PM20D1: variants seen among roughly 807,000 people sequenced by gnomAD.
PM20D1 encodes peptidase M20 domain containing 1.
A neutral mutation model predicts 53.8 loss-of-function variants in PM20D1; 53 were observed. The ratio of observed to expected loss-of-function variants is 0.98; its 90% confidence interval spans 0.79 to 1.24. PM20D1 has a LOEUF of 1.24. PM20D1 is among the 50% of genes most tolerant of loss of function. The pLI is 0.00. For missense variants in PM20D1, 564 were observed against 616.8 expected, an observed-to-expected ratio of 0.91 and a Z score of 0.91; for synonymous variants, 239 against 241.3, an observed-to-expected ratio of 0.99 and a Z score of 0.09.
intron 1 of PM20D1, among the ~76,000 whole-genome samples, chr1:205,848,269 A>G (rs1054218901): frequency 1.3e-5 from 2 of 152,086 alleles, no homozygotes; most frequent in South Asian, 4.1e-4. Context: ...AGGGAAGTGG[A>G]TTTTTGGATC....
intron 1 of PM20D1, among the ~76,000 whole-genome samples, chr1:205,848,833 C>T (rs746502900): frequency 6.6e-6 from 1 of 152,122 alleles, no homozygotes; most frequent in African/African-American, 2.4e-5. Context: ...ATGGGGAAGC[C>T]GAGGTTCAGA....
chr1:205,829,061 C>T (rs1439348532), intron 12 of PM20D1, among the ~76,000 whole-genome samples: 1 of 152,222 alleles, frequency 6.6e-6, no homozygotes, highest in Non-Finnish European at 1.5e-5. Flanking sequence ...GATAGGTTCT[C>T]ACTCTGTAGC....
In PM20D1 at chr1:205,849,799, C is replaced by T. The variant is rs572245419; in HGVS notation, c.169+105G>A. 2.8e-5 allele frequency: 40 copies of T among 1,421,178 alleles called. No homozygotes were observed. The East Asian group carries it at 9.3e-4, about 33-fold the overall frequency. The allele number at this position is 1,421,178 out of a possible 1,614,324, so 88.0% of individuals were successfully genotyped here. ...GCTGGGGTGCGTGTCGGGGCTCCAGCTGCAGTAGCAGATGCTTTGCGGCGG... is the reference window on the plus strand; with the variant it reads ...GCTGGGGTGCGTGTCGGGGCTCCAGTTGCAGTAGCAGATGCTTTGCGGCGG... On this transcript the variant is annotated intron_variant, in intron 1 of 12. Coordinates refer to ENST00000367136, the MANE Select transcript of PM20D1 (RefSeq NM_152491.5).
intron 10 of PM20D1, among the ~76,000 whole-genome samples, chr1:205,833,683 G>A (rs926038990): frequency 1.3e-5 from 2 of 152,148 alleles, no homozygotes; most frequent in Admixed American, 1.3e-4. Flanking sequence ...GAGCCACGTG[G>A]GAATGGACCA....
At chr1:205,831,688 C>T (rs929352465) in intron 11 of PM20D1, among the ~76,000 whole-genome samples, 3 of 151,734 alleles carry the variant, frequency 2.0e-5, no homozygotes, top group Admixed American at 6.6e-5. Context: ...CTCATCCTCC[C>T]GAGTAGCTGG....
At position 205,844,108 on chromosome 1, in the gene PM20D1, T is replaced by C. The variant is rs376269551; in HGVS notation, c.686A>G (p.Asn229Ser). 4 of 1,613,162 alleles carry C rather than the reference T, an allele frequency of 2.5e-6. No homozygotes were observed. Among genetic ancestry groups the C allele is most frequent in the Non-Finnish European group, 3.4e-6 (4 of 1,179,664 alleles). ...TCACAAGGCGATGGGCTTCTTGAAG[T>C]TAGGAATGAAATCATCCAAGATGAA... ...GGFILDDFIP[N>S]FKKPIALIAV... Residue 229 changes from asparagine (N) to serine (S), a missense_variant, in exon 5 of 13, where the codon AAC (asparagine) becomes AGC (serine). Coordinates refer to ENST00000367136, the MANE Select transcript of PM20D1 (RefSeq NM_152491.5).
intron 10 of PM20D1, among the ~76,000 whole-genome samples, chr1:205,834,401 T>C (rs776778738): frequency 3.9e-5 from 6 of 152,088 alleles, no homozygotes; most frequent in Non-Finnish European, 7.4e-5. Flanking sequence ...AGGTGATCTG[T>C]CTGCCTTGCC....
chr1:205,848,673 G>A (rs566875946), intron 1 of PM20D1, among the ~76,000 whole-genome samples: 6 of 152,284 alleles, frequency 3.9e-5, no homozygotes, highest in African/African-American at 1.4e-4. Context: ...CCACTGGGAG[G>A]GAAAGCATGA....
Position 205,844,662 on chromosome 1 carries a change from A to T in PM20D1, c.576+149T>A, listed in dbSNP as rs1656902398. 4.8e-5 allele frequency: 32 copies of T among 664,662 alleles called. No homozygotes were observed. The South Asian group carries it at 6.9e-4, about 14-fold the overall frequency. 41.2% of individuals were successfully genotyped at this position (664,662 alleles called of 1,614,324 possible). A position where few individuals can be genotyped will look rare whatever the true frequency, so the allele number is the denominator to read the frequency against. On this transcript the variant is annotated intron_variant, in intron 4 of 12. Coordinates refer to ENST00000367136, the MANE Select transcript of PM20D1 (RefSeq NM_152491.5). ...TCTGAATTTTGGTCAAGGTCCTTAG[A>T]TAGTCCTGGCATACAGACACACGGA...
intron 2 of PM20D1, among the ~76,000 whole-genome samples, chr1:205,847,618 G>T (rs1257665645): frequency 3.3e-5 from 5 of 151,526 alleles, no homozygotes; most frequent in Non-Finnish European, 5.9e-5. Flanking sequence ...ACTTTTTGAT[G>T]ATTTAACATT....
At chr1:205,842,792 GC>G (rs764664063) in intron 6 of PM20D1, 41 bp from the exon 7 acceptor site, 2 of 1,587,822 alleles carry the variant, frequency 1.3e-6, no homozygotes, top group Non-Finnish European at 8.6e-7. Flanking sequence ...GCGAACCCCA[GC>G]CAAAGATCAG....
chr1:205,842,252 C>T, intron 7 of PM20D1, 37 bp from the exon 8 acceptor site: 1 of 1,567,470 alleles, frequency 6.4e-7, no homozygotes, highest in South Asian at 1.1e-5. Flanking sequence ...AGGGTCACCT[C>T]TAGTTTAGCC....
At chr1:205,829,192 A>G (rs534325138) in intron 12 of PM20D1, among the ~76,000 whole-genome samples, 4 of 152,016 alleles carry the variant, frequency 2.6e-5, no homozygotes, top group Non-Finnish European at 4.4e-5. Flanking sequence ...TAAGTTTTTT[A>G]TTTTTAAATT....
intron 3 of PM20D1, 134 bp downstream of exon 3, chr1:205,845,191 T>C (rs1294115247): frequency 2.2e-6 from 2 of 894,360 alleles, no homozygotes; most frequent in Non-Finnish European, 3.5e-6. Flanking sequence ...AGTGACAAAC[T>C]GATGGCTGGA....
chr1:205,835,700 C>T (rs1280360215), intron 10 of PM20D1, among the ~76,000 whole-genome samples: 1 of 149,094 alleles, frequency 6.7e-6, no homozygotes, highest in Non-Finnish European at 1.5e-5. Context: ...TAGGGCAGTG[C>T]CTGGCACATG....
intron 6 of PM20D1, among the ~76,000 whole-genome samples, chr1:205,843,422 C>T (rs1363018141): frequency 6.6e-6 from 1 of 152,210 alleles, no homozygotes; most frequent in African/African-American, 2.4e-5. Flanking sequence ...TTTGAGATGA[C>T]CCCAGCCTGG....
At position 205,844,167 on chromosome 1, in the gene PM20D1, G is replaced by A. The variant is rs144962279; in HGVS notation, c.627C>T (p.Gly209=). The part of the protein sequence containing the change: ...QRISALLQSR[G]VQLAFIVDEG... ...CGTCCACAATGAAGGCTAGCTGGAC[G>A]CCCCTTGACTGTAGCAGGGCTGAGA... is the stretch of plus-strand genomic sequence containing the variant. The change falls in exon 5 of 13, where the codon GGC becomes GGT. Residue 209 remains glycine (G), a synonymous_variant. Coordinates refer to ENST00000367136, the MANE Select transcript of PM20D1 (RefSeq NM_152491.5). 30 of 1,613,870 alleles carry A rather than the reference G, an allele frequency of 1.9e-5. No individual in the cohort carries two copies. The African/African-American group carries it at 1.9e-4, about 10-fold the overall frequency.
rs1384124425 is a variant in PM20D1, at chr1:205,843,761, T to G, written c.733A>C (p.Met245Leu). Residue 245 changes from methionine to leucine, a missense_variant, in exon 6 of 13, where the codon ATG becomes CTG. By Grantham distance (15) the Met-to-Leu change is conservative. Transcript: ENST00000367136. The stretch of plus-strand genomic sequence containing the variant: ...ATGTTTACTTGCAGCATGAGGTTCA[T>G]GGAACCCTTCTCTGAGACTGCAATC... ...ALIAVSEKGS[M>L]NLMLQVNMTS... is the part of the protein sequence containing the mutation. 32 of 1,614,156 alleles carry G rather than the reference T, an allele frequency of 2.0e-5. No individual in the cohort carries two copies. The highest frequency in any genetic ancestry group is 2.5e-5 in the Non-Finnish European group (30 of 1,180,008).
In PM20D1 at chr1:205,832,667, C is replaced by T. The variant is rs1656585865; in HGVS notation, c.1216G>A (p.Ala406Thr). 2 of 1,614,152 alleles carry T rather than the reference C, an allele frequency of 1.2e-6. No individual in the cohort carries two copies. The highest frequency in any genetic ancestry group is 2.7e-5 in the African/African-American group (2 of 75,036). The change falls in exon 11 of 13, where the codon GCC becomes ACC. Residue 406 changes from alanine to threonine, a missense_variant. Physicochemically the swap from Ala to Thr is moderately conservative, Grantham distance 58 (BLOSUM62 0). Transcript: ENST00000367136. ...PLPVSPSDDK[A>T]LGYQLLRQTV... is the part of the protein sequence containing the mutation. ...TGGCGGAGCAGCTGGTAGCCCAAGG[C>T]CTTGTCATCAGAAGGGCTGACGGGG...
Sources: allele counts gnomAD v4.1 joint callset (sites outside exome capture counted in the v4.1 genomes callset), GRCh38; gene constraint gnomAD v4.1.1; transcripts MANE v1.5; gene names NCBI Gene and HGNC (gene_info 2026-07-23, HGNC 2026-07-21).